Variants in KIF6 observed in about 807,000 individuals in gnomAD.
KIF6 encodes kinesin-like protein KIF6.
KIF6 carries 106 observed loss-of-function variants against 112.7 expected under a neutral mutation model. The ratio of observed to expected loss-of-function variants is 0.94; its 90% CI spans 0.80 to 1.11. KIF6 has a LOEUF of 1.11. Among genes scored for constraint, KIF6 ranks in the 50% least tolerant of loss-of-function variants. The pLI, the probability that KIF6 is intolerant of heterozygous loss-of-function variation, is 0.00. For synonymous variants in KIF6, 339 were observed against 339.9 expected, an observed-to-expected ratio of 1.00 and a Z score of 0.03; for missense variants, 929 against 964.0, an observed-to-expected ratio of 0.96 and a Z score of 0.48.
rs546520958 is a variant in KIF6 at position 39,477,046 on chromosome 6, G to T, written c.1646-45885C>A. On this transcript the variant is annotated intron_variant, in intron 13 of 22. Coordinates refer to ENST00000287152, the MANE Select transcript of KIF6 (RefSeq NM_145027.6). ...TTGGGAAGGCTCTGGGAGGGATACA[G>T]AAATGATGAAGTCAGTCCCCTCAGT... 1.9e-4 allele frequency among the ~76,000 whole-genome samples: 29 copies of T among 152,290 alleles called. No individual in the cohort carries two copies. In the South Asian group the frequency reaches 5.8e-3, roughly 30 times the overall value.
chr6:39,573,901 G>A (rs1780780010), intron 10 of KIF6, among the ~76,000 whole-genome samples: 1 of 152,114 alleles, frequency 6.6e-6, no homozygotes, highest in Non-Finnish European at 1.5e-5. Flanking sequence ...CCCACTCAGG[G>A]CCTAACATAG....
At chr6:39,627,797 T>G (rs1784164949) in intron 5 of KIF6, among the ~76,000 whole-genome samples, 1 of 152,176 alleles carries the variant, frequency 6.6e-6, no homozygotes, top group Non-Finnish European at 1.5e-5. Context: ...ATACTAAAAT[T>G]ATACTAAAGT....
At chr6:39,519,753 G>A (rs768235231) in intron 13 of KIF6, among the ~76,000 whole-genome samples, 47 of 101,446 alleles carry the variant, frequency 4.6e-4, no homozygotes, top group African/African-American at 1.6e-3. Context: ...GGGCGCCGCG[G>A]CTCATGCCTG....
intron 3 of KIF6, among the ~76,000 whole-genome samples, chr6:39,702,691 C>A (rs778100715): frequency 1.3e-5 from 2 of 152,106 alleles, no homozygotes; most frequent in Admixed American, 6.5e-5. Flanking sequence ...CATGAGCCAC[C>A]AAGGCAGTCA....
At chr6:39,402,878 G>T (rs976429342) in intron 15 of KIF6, among the ~76,000 whole-genome samples, 1 of 152,134 alleles carries the variant, frequency 6.6e-6, no homozygotes, top group Non-Finnish European at 1.5e-5. Flanking sequence ...AAGGCTTTCT[G>T]CCCAAAGTCC....
chr6:39,648,997 CAAAAAA>C (rs11457388), intron 3 of KIF6, among the ~76,000 whole-genome samples: 2 of 126,276 alleles, frequency 1.6e-5, no homozygotes, highest in African/African-American at 5.8e-5. Context: ...CTGTCTCTGC[CAAAAAA>C]AAAAAAAAAA....
chr6:39,617,809 A>G, intron 5 of KIF6: 1 of 451,432 alleles, frequency 2.2e-6, no homozygotes, highest in Non-Finnish European at 4.5e-6. Flanking sequence ...CCTCATGACA[A>G]TGGGTGGGGG....
chr6:39,386,802 A>G (rs996363166), intron 15 of KIF6, among the ~76,000 whole-genome samples: 2 of 152,220 alleles, frequency 1.3e-5, no homozygotes, highest in Admixed American at 1.3e-4. Context: ...CCAAGGGCTC[A>G]GCACACTTGT....
Position 39,338,159 on chromosome 6 carries a change from A to C in KIF6, c.2429-1611T>G, listed in dbSNP as rs150815102. ...TTCTGAGATTCTTGGATGAAGTAATAAATACAATGTTTAAAAAAATTTCAG... is the reference window on the plus strand; with the variant it reads ...TTCTGAGATTCTTGGATGAAGTAATCAATACAATGTTTAAAAAAATTTCAG... On this transcript the variant is annotated intron_variant, in intron 22 of 22. Coordinates refer to ENST00000287152, the MANE Select transcript of KIF6 (RefSeq NM_145027.6). Among the ~76,000 whole-genome samples the C allele has an allele frequency of 2.6e-3, 400 of 152,376 alleles. 2 individuals are homozygous for C. Among genetic ancestry groups the C allele is most frequent in the African/African-American group, 9.3e-3 (385 of 41,592 alleles).
chr6:39,514,531 A>AATG, intron 13 of KIF6, among the ~76,000 whole-genome samples: 1 of 152,368 alleles, frequency 6.6e-6, no homozygotes, highest in Admixed American at 6.5e-5. Context: ...ACATACATAC[A>AATG]TGTACATAAA....
At chr6:39,384,096 T>G (rs1006596651) in intron 16 of KIF6, among the ~76,000 whole-genome samples, 3 of 152,236 alleles carry the variant, frequency 2.0e-5, no homozygotes, top group Non-Finnish European at 4.4e-5. Context: ...CAAAGAGAGA[T>G]AACTTGACTT....
intron 13 of KIF6, among the ~76,000 whole-genome samples, chr6:39,454,355 T>C (rs1340575058): frequency 6.6e-6 from 1 of 151,864 alleles, no homozygotes; most frequent in East Asian, 1.9e-4. Context: ...AATAGGAAGC[T>C]CCAAAGATGT....
intron 13 of KIF6, among the ~76,000 whole-genome samples, chr6:39,481,923 G>A (rs1403211472): frequency 6.6e-6 from 1 of 151,740 alleles, no homozygotes; most frequent in Admixed American, 6.6e-5. Flanking sequence ...TGACCTCCAT[G>A]ATACTGTCAG....
chr6:39,369,340 G>A (rs1379831665), intron 16 of KIF6, among the ~76,000 whole-genome samples: 1 of 152,120 alleles, frequency 6.6e-6, no homozygotes, highest in Non-Finnish European at 1.5e-5. Flanking sequence ...GCGGACACAT[G>A]GCTGTACCTG....
intron 5 of KIF6, among the ~76,000 whole-genome samples, chr6:39,615,411 C>T (rs919667378): frequency 1.3e-5 from 2 of 152,240 alleles, no homozygotes; most frequent in South Asian, 2.1e-4. Flanking sequence ...ACTAAATGTA[C>T]GTCAGGCACT....
chr6:39,367,997 G>A (rs1765700459), intron 16 of KIF6, among the ~76,000 whole-genome samples: 1 of 152,128 alleles, frequency 6.6e-6, no homozygotes, highest in African/African-American at 2.4e-5. Context: ...CACTGCTTAT[G>A]GCTTCAAGCC....
intron 13 of KIF6, among the ~76,000 whole-genome samples, chr6:39,456,901 G>T (rs948786942): frequency 6.6e-6 from 1 of 151,580 alleles, no homozygotes; most frequent in African/African-American, 2.4e-5. Context: ...AAGAGACTTA[G>T]AGTCCCACAC....
intron 13 of KIF6, among the ~76,000 whole-genome samples, chr6:39,449,261 C>G (rs1483107437): frequency 6.6e-6 from 1 of 152,216 alleles, no homozygotes; most frequent in Non-Finnish European, 1.5e-5. Flanking sequence ...TTCCCATGGA[C>G]AAAGCCAAAC....
At chr6:39,351,910 G>A (rs1404362755) in intron 19 of KIF6, among the ~76,000 whole-genome samples, 1 of 152,210 alleles carries the variant, frequency 6.6e-6, no homozygotes. Flanking sequence ...GTGGAGTCCT[G>A]GAGTTTCAGC....
Sources: gnomAD v4.1 joint callset for allele counts (sites outside exome capture counted in the v4.1 genomes callset) on GRCh38, gnomAD v4.1.1 for gene constraint, MANE v1.5 for transcripts, NCBI Gene and HGNC (gene_info 2026-07-23, HGNC 2026-07-21) for gene names.